Variants in EGFLAM observed in about 807,000 individuals in gnomAD.
The protein encoded by EGFLAM is EGF like, fibronectin type III and laminin G domains, also known as pikachurin.
Under a neutral mutation model 113.1 loss-of-function variants are expected in EGFLAM, and 79 were observed. That is an observed-to-expected ratio of 0.70 (90% CI 0.58 to 0.84). The LOEUF (loss-of-function observed/expected upper bound fraction) is 0.84, where lower values mean the gene tolerates loss of function less well. Ranked by LOEUF, EGFLAM falls within the 40% of genes least tolerant of loss-of-function variation. The pLI, the probability that EGFLAM is intolerant of heterozygous loss-of-function variation, is 0.00. For synonymous variants in EGFLAM, 504 were observed against 487.6 expected (o/e 1.03, Z -0.44); for missense variants, 1,265 against 1,291.6 (o/e 0.98, Z 0.32).
At chr5:38,444,254 G>A (rs1742638463) in intron 17 of EGFLAM, among the ~76,000 whole-genome samples, 1 of 152,180 alleles carries the variant, frequency 6.6e-6, no homozygotes, top group Admixed American at 6.5e-5. Flanking sequence ...CAACTAATCA[G>A]TGAGGCCATT....
chr5:38,386,789 G>A (rs1242628737), intron 6 of EGFLAM, among the ~76,000 whole-genome samples: 3 of 152,244 alleles, frequency 2.0e-5, no homozygotes, highest in African/African-American at 7.2e-5. Context: ...ACAGGAGTGA[G>A]CCACTGTGCC....
At chr5:38,288,526 A>G (rs1402777000) in intron 1 of EGFLAM, among the ~76,000 whole-genome samples, 1 of 152,198 alleles carries the variant, frequency 6.6e-6, no homozygotes, top group Admixed American at 6.5e-5. Context: ...ATAATAGCCA[A>G]GAGTTTGACT....
intron 1 of EGFLAM, among the ~76,000 whole-genome samples, chr5:38,276,396 C>A (rs1757885074): frequency 6.6e-6 from 1 of 152,092 alleles, no homozygotes; most frequent in African/African-American, 2.4e-5. Context: ...AGAATTACAA[C>A]ATATCAAAGC....
At chr5:38,333,623 C>G (rs1739106922) in intron 1 of EGFLAM, among the ~76,000 whole-genome samples, 1 of 152,072 alleles carries the variant, frequency 6.6e-6, no homozygotes, top group East Asian at 1.9e-4. Context: ...TGTTCGTGTC[C>G]TTTGCCCACT....
chr5:38,416,773 A>T lies in EGFLAM; in HGVS notation c.1495-1293A>T, dbSNP rs534010827. Among the ~76,000 whole-genome samples the T allele has an allele frequency of 4.7e-4, 72 of 152,274 alleles. 1 individual carries two copies. Among genetic ancestry groups the T allele is most frequent in the Admixed American group, 2.2e-3 (34 of 15,294 alleles). On this transcript the variant is annotated intron_variant, in intron 11 of 21. Coordinates refer to ENST00000322350, the MANE Select transcript of EGFLAM (RefSeq NM_152403.4). ...AGCCAAGAGGACATTTAACTCATCTAATGAAAGCAGCATGCTCAGTGGCTG... is the reference window on the plus strand; with the variant it reads ...AGCCAAGAGGACATTTAACTCATCTTATGAAAGCAGCATGCTCAGTGGCTG...
chr5:38,275,215 G>T (rs761410888), intron 1 of EGFLAM, among the ~76,000 whole-genome samples: 1 of 152,160 alleles, frequency 6.6e-6, no homozygotes, highest in African/African-American at 2.4e-5. Flanking sequence ...GTGGTAATAA[G>T]TGTGTACCTA....
intron 3 of EGFLAM, among the ~76,000 whole-genome samples, chr5:38,339,456 A>G (rs1051293586): frequency 6.6e-6 from 1 of 152,154 alleles, no homozygotes; most frequent in African/African-American, 2.4e-5. Flanking sequence ...ACACTATTAT[A>G]ATGGTGGTGG....
At chr5:38,335,098 C>A (rs1229961298) in intron 1 of EGFLAM, among the ~76,000 whole-genome samples, 2 of 152,114 alleles carry the variant, frequency 1.3e-5, no homozygotes, top group African/African-American at 4.8e-5. Context: ...ATCTTGGACA[C>A]AAGAGCTCTG....
At chr5:38,426,730 T>G (rs1742021243) in intron 13 of EGFLAM, among the ~76,000 whole-genome samples, 2 of 152,128 alleles carry the variant, frequency 1.3e-5, no homozygotes, top group Admixed American at 6.6e-5. Context: ...TTCTAGGGCC[T>G]TAGAGTCCTC....
intron 17 of EGFLAM, among the ~76,000 whole-genome samples, chr5:38,446,812 T>C (rs1324902664): frequency 6.6e-6 from 1 of 152,206 alleles, no homozygotes; most frequent in Non-Finnish European, 1.5e-5. Flanking sequence ...GGACTTGTAC[T>C]TGGGGGCCCA....
At position 38,462,979 on chromosome 5, in the gene EGFLAM, G is replaced by A. The variant is rs772568999; in HGVS notation, c.2843G>A (p.Arg948Gln). 1.9e-5 allele frequency: 30 copies of A among 1,614,034 alleles called. No individual in the cohort carries two copies. The highest frequency in any genetic ancestry group is 2.2e-5 in the South Asian group (2 of 91,060). The stretch of plus-strand genomic sequence containing the variant: ...ACAGGCAAATCCCCAGGCATGATGC[G>A]GCAGCTTAACATCAATGGAGCTCTG... ...ARTGKSPGMM[R>Q]QLNINGALYV... The change falls in exon 21 of 22, where the codon CGG (arginine) becomes CAG (glutamine). Residue 948 changes from arginine (R) to glutamine (Q), a missense_variant. Arg to Gln is a conservative substitution (Grantham distance 43, BLOSUM62 1). Transcript: ENST00000322350.
intron 5 of EGFLAM, among the ~76,000 whole-genome samples, chr5:38,355,291 C>T (rs557767667): frequency 2.0e-5 from 3 of 152,296 alleles, no homozygotes; most frequent in African/African-American, 4.8e-5. Context: ...TGGCTTCTTC[C>T]TCCTCTGTCC....
chr5:38,292,700 A>G (rs1758366016), intron 1 of EGFLAM, among the ~76,000 whole-genome samples: 2 of 152,332 alleles, frequency 1.3e-5, no homozygotes, highest in Non-Finnish European at 2.9e-5. Flanking sequence ...AAAATTTTGT[A>G]TAAATAGCTG....
At chr5:38,313,081 G>T (rs1187385734) in intron 1 of EGFLAM, among the ~76,000 whole-genome samples, 1 of 152,032 alleles carries the variant, frequency 6.6e-6, no homozygotes, top group Non-Finnish European at 1.5e-5. Context: ...GATGGAGCAA[G>T]ACTCTGTCTC....
intron 3 of EGFLAM, among the ~76,000 whole-genome samples, chr5:38,342,534 T>C (rs1163122018): frequency 6.6e-6 from 1 of 152,236 alleles, no homozygotes; most frequent in African/African-American, 2.4e-5. Context: ...CCCTGGCTGA[T>C]AATGTGGAGT....
intron 1 of EGFLAM, among the ~76,000 whole-genome samples, chr5:38,280,372 G>T (rs1216807932): frequency 1.3e-5 from 2 of 152,178 alleles, no homozygotes; most frequent in African/African-American, 2.4e-5. Flanking sequence ...AGTGTTCTAT[G>T]GGGCCTGACC....
At chr5:38,383,231 C>T (rs563615056) in intron 6 of EGFLAM, among the ~76,000 whole-genome samples, 1 of 152,322 alleles carries the variant, frequency 6.6e-6, no homozygotes, top group African/African-American at 2.4e-5. Context: ...GATATTTCTT[C>T]AGCGTTCTTT....
intron 6 of EGFLAM, among the ~76,000 whole-genome samples, chr5:38,388,964 AAAT>A (rs896577611): frequency 1.3e-5 from 2 of 151,958 alleles, no homozygotes; most frequent in African/African-American, 4.8e-5. Flanking sequence ...TTTTCAGTGA[AAAT>A]AATTTTTTTT....
At chr5:38,453,859 A>G (rs1427629449) in intron 19 of EGFLAM, among the ~76,000 whole-genome samples, 4 of 152,112 alleles carry the variant, frequency 2.6e-5, no homozygotes, top group Admixed American at 6.6e-5. Flanking sequence ...GTAGGGAAAC[A>G]GCTCCCACCA....
Sources: allele counts gnomAD v4.1 joint callset (sites outside exome capture counted in the v4.1 genomes callset), GRCh38; gene constraint gnomAD v4.1.1; transcripts MANE v1.5; gene names NCBI Gene and HGNC (gene_info 2026-07-23, HGNC 2026-07-21).